Variants in DAPP1 observed in about 807,000 individuals in gnomAD.
The protein encoded by DAPP1 is dual adapter for phosphotyrosine and 3-phosphotyrosine and 3-phosphoinositide.
A neutral mutation model predicts 41.5 loss-of-function variants in DAPP1; 20 were observed. That is an observed-to-expected ratio of 0.48 (90% CI 0.34 to 0.70). DAPP1 has a LOEUF of 0.70. Among genes scored for constraint, DAPP1 ranks in the 30% least tolerant of loss-of-function variants. DAPP1 has a pLI of 0.01. For synonymous variants in DAPP1, 113 were observed against 116.2 expected, an observed-to-expected ratio of 0.97 and a Z score of 0.18; for missense variants, 233 against 333.4, an observed-to-expected ratio of 0.70 and a Z score of 2.35.
At chr4:99,841,269 G>T (rs1387540655) in intron 3 of DAPP1, among the ~76,000 whole-genome samples, 1 of 152,206 alleles carries the variant, frequency 6.6e-6, no homozygotes, top group Non-Finnish European at 1.5e-5. Flanking sequence ...TAACTTCAGT[G>T]TGATGGGAAG....
intron 5 of DAPP1, 48 bp from the exon 6 acceptor site, chr4:99,862,962 C>CA: frequency 1.4e-6 from 2 of 1,388,694 alleles, no homozygotes; most frequent in Non-Finnish European, 2.0e-6. Flanking sequence ...TTCCTGTATT[C>CA]AAAACTTTGT....
At chr4:99,822,829 G>A (rs1376909158) in intron 1 of DAPP1, among the ~76,000 whole-genome samples, 1 of 152,098 alleles carries the variant, frequency 6.6e-6, no homozygotes. Flanking sequence ...CCTATTCTGA[G>A]CCCATCGACC....
At chr4:99,842,080 G>T (rs182009662) in intron 3 of DAPP1, among the ~76,000 whole-genome samples, 3 of 152,278 alleles carry the variant, frequency 2.0e-5, no homozygotes, top group Admixed American at 6.5e-5. Context: ...AACCTTTCTG[G>T]CACTGATCCA....
At chr4:99,827,775 T>C (rs1380421178) in intron 1 of DAPP1, among the ~76,000 whole-genome samples, 1 of 152,146 alleles carries the variant, frequency 6.6e-6, no homozygotes, top group Non-Finnish European at 1.5e-5. Context: ...ACAGATTTTT[T>C]AAGTTTGAAA....
chr4:99,863,913 G>T, intron 7 of DAPP1, 58 bp downstream of exon 7: 1 of 1,181,226 alleles, frequency 8.5e-7, no homozygotes, highest in South Asian at 1.4e-5. Context: ...CACTTATTTT[G>T]GCTAAGGAAT....
intron 2 of DAPP1, among the ~76,000 whole-genome samples, chr4:99,838,621 T>C (rs765063448): frequency 1.2e-4 from 18 of 152,200 alleles, no homozygotes; most frequent in Non-Finnish European, 2.5e-4. Flanking sequence ...GAGACTCTAA[T>C]GCCATCACTG....
chr4:99,844,627 T>G (rs1428395771), intron 3 of DAPP1: 1 of 152,244 alleles, frequency 6.6e-6, no homozygotes. Flanking sequence ...TTGCCATGTA[T>G]AATTTATTAC....
At chr4:99,849,878 G>C (rs897830749) in intron 3 of DAPP1, among the ~76,000 whole-genome samples, 9 of 152,184 alleles carry the variant, frequency 5.9e-5, no homozygotes, top group Non-Finnish European at 1.2e-4. Flanking sequence ...AGAAGGATCT[G>C]ACTGGCTGTT....
At chr4:99,858,453 A>G (rs1260513943) in intron 4 of DAPP1, among the ~76,000 whole-genome samples, 1 of 152,230 alleles carries the variant, frequency 6.6e-6, no homozygotes, top group African/African-American at 2.4e-5. Context: ...ATGGAACACA[A>G]TTGCAATCTG....
intron 3 of DAPP1, among the ~76,000 whole-genome samples, chr4:99,844,891 A>C (rs1246050713): frequency 1.3e-5 from 2 of 152,262 alleles, no homozygotes; most frequent in Non-Finnish European, 2.9e-5. Flanking sequence ...TGTGGTTAAA[A>C]TTAATTTTAA....
chr4:99,838,865 G>A (rs1723391930), intron 2 of DAPP1, among the ~76,000 whole-genome samples: 1 of 152,176 alleles, frequency 6.6e-6, no homozygotes, highest in Admixed American at 6.5e-5. Flanking sequence ...AAGAAAGCAA[G>A]ATAAGTGTTT....
intron 3 of DAPP1, among the ~76,000 whole-genome samples, chr4:99,846,922 A>G (rs1429089804): frequency 3.9e-5 from 6 of 152,214 alleles, no homozygotes; most frequent in African/African-American, 1.4e-4. Flanking sequence ...AAGGAAAAAG[A>G]TCTTGAATAA....
At chr4:99,837,404 C>G (rs1723339686) in intron 2 of DAPP1, among the ~76,000 whole-genome samples, 1 of 152,142 alleles carries the variant, frequency 6.6e-6, no homozygotes, top group South Asian at 2.1e-4. Context: ...GTGTGCGAAA[C>G]AGGTAGAGGG....
chr4:99,863,670 A>G, intron 6 of DAPP1, 100 bp from the exon 7 acceptor site: 3 of 757,116 alleles, frequency 4.0e-6, no homozygotes, highest in Non-Finnish European at 6.5e-6. Context: ...TGACAATTGC[A>G]CATAGTGGAA....
intron 1 of DAPP1, among the ~76,000 whole-genome samples, chr4:99,829,225 A>T (rs1176467126): frequency 2.0e-5 from 3 of 152,172 alleles, no homozygotes; most frequent in Non-Finnish European, 2.9e-5. Context: ...CATGCCTGCA[A>T]TCCCAACACT....
intron 4 of DAPP1, among the ~76,000 whole-genome samples, chr4:99,857,701 TACAC>T (rs140943788): frequency 0.061 from 8,790 of 143,042 alleles, 448 homozygotes; most frequent in East Asian, 0.15. Context: ...TGTATGTATA[TACAC>T]ACACACACAC....
At chr4:99,867,257 C>A (rs1724492488) in intron 8 of DAPP1, among the ~76,000 whole-genome samples, 1 of 152,022 alleles carries the variant, frequency 6.6e-6, no homozygotes, top group Non-Finnish European at 1.5e-5. Flanking sequence ...TCTTGTGAAA[C>A]CTTTGCTCAG....
chr4:99,840,735 T>G (rs1329780448), intron 3 of DAPP1, among the ~76,000 whole-genome samples: 1 of 152,196 alleles, frequency 6.6e-6, no homozygotes, highest in Non-Finnish European at 1.5e-5. Flanking sequence ...TGCATATGAG[T>G]GAGACCCACA....
intron 8 of DAPP1, among the ~76,000 whole-genome samples, chr4:99,866,932 GT>G (rs1452432977): frequency 6.6e-6 from 1 of 151,728 alleles, no homozygotes; most frequent in Non-Finnish European, 1.5e-5. Context: ...ACCACGCCTG[GT>G]TAATTTTTGT....
Sources: gnomAD v4.1 joint callset for allele counts (sites outside exome capture counted in the v4.1 genomes callset) on GRCh38, gnomAD v4.1.1 for gene constraint, MANE v1.5 for transcripts, NCBI Gene and HGNC (gene_info 2026-07-23, HGNC 2026-07-21) for gene names.